The following GPC6 variants were observed in gnomAD, a reference collection of about 807,000 sequenced individuals.
GPC6 encodes glypican-6.
In GPC6, 14 loss-of-function variants were observed where a neutral mutation model predicts 55.2. The observed-to-expected ratio is 0.25, with a 90% CI of 0.17 to 0.40. The LOEUF is 0.40. GPC6 is among the 10% of genes least tolerant of loss of function. GPC6 has a pLI of 1.00. For missense variants in GPC6, 641 were observed against 708.5 expected, an observed-to-expected ratio of 0.90 and a Z score of 1.08; for synonymous variants, 278 against 259.6, an observed-to-expected ratio of 1.07 and a Z score of -0.68.
Position 93,529,665 on chromosome 13 carries a change from C to T in GPC6, c.161-15598C>T, listed in dbSNP as rs186935804. On this transcript the variant is annotated intron_variant, in intron 1 of 8. Transcript: ENST00000377047. The stretch of plus-strand genomic sequence containing the variant: ...CCCAGTAGCTGGGATTACAGGTGCC[C>T]GCCACCACGCCCATCTAATTTTTGT... Among the ~76,000 whole-genome samples, 1,069 of 151,676 alleles carry T rather than the reference C, an allele frequency of 7.0e-3. 2 individuals are homozygous for T. Among genetic ancestry groups the T allele is most frequent in the Admixed American group, 0.013 (200 of 15,218 alleles).
chr13:94,174,981 C>T (rs1399529668), intron 4 of GPC6, among the ~76,000 whole-genome samples: 1 of 152,138 alleles, frequency 6.6e-6, no homozygotes. Flanking sequence ...TCCAGGATCC[C>T]TGAAGTTTGC....
chr13:94,360,789 C>T (rs1264996109), intron 6 of GPC6, among the ~76,000 whole-genome samples: 1 of 152,192 alleles, frequency 6.6e-6, no homozygotes, highest in Admixed American at 6.5e-5. Context: ...AATGCATTCA[C>T]ACTCTCCAGT....
intron 4 of GPC6, among the ~76,000 whole-genome samples, chr13:94,257,250 G>T (rs1891534566): frequency 6.6e-6 from 1 of 152,172 alleles, no homozygotes; most frequent in Non-Finnish European, 1.5e-5. Flanking sequence ...TCACACAAAT[G>T]CAAAAGGCAC....
At chr13:94,225,220 A>T (rs1890509113) in intron 4 of GPC6, among the ~76,000 whole-genome samples, 1 of 152,026 alleles carries the variant, frequency 6.6e-6, no homozygotes. Flanking sequence ...ATCCTTGTGG[A>T]TGGTCTGCTA....
chr13:94,302,694 A>C (rs1026520493), intron 5 of GPC6, among the ~76,000 whole-genome samples: 2 of 152,142 alleles, frequency 1.3e-5, no homozygotes, highest in South Asian at 4.1e-4. Flanking sequence ...ATAGCTCTTG[A>C]TCCCTAGGCT....
intron 1 of GPC6, among the ~76,000 whole-genome samples, chr13:93,469,727 A>G (rs369895251): frequency 6.6e-6 from 1 of 152,148 alleles, no homozygotes; most frequent in Non-Finnish European, 1.5e-5. Context: ...TATGGATTCT[A>G]TGTTTAGATC....
chr13:93,354,524 T>A (rs577279514), intron 1 of GPC6, among the ~76,000 whole-genome samples: 49 of 150,052 alleles, frequency 3.3e-4, no homozygotes, highest in South Asian at 1.9e-3. Flanking sequence ...CTATTATTTT[T>A]TTTTTTTTTT....
At chr13:93,997,889 T>C (rs1051208726) in intron 3 of GPC6, among the ~76,000 whole-genome samples, 1 of 152,158 alleles carries the variant, frequency 6.6e-6, no homozygotes, top group African/African-American at 2.4e-5. Context: ...AGAATCAGCG[T>C]TGAGACATGG....
chr13:93,934,020 C>T (rs1878307126), intron 3 of GPC6, among the ~76,000 whole-genome samples: 2 of 152,204 alleles, frequency 1.3e-5, no homozygotes, highest in Non-Finnish European at 2.9e-5. Context: ...GCTCAATGCA[C>T]TTCTGGCTAT....
intron 4 of GPC6, among the ~76,000 whole-genome samples, chr13:94,259,969 T>C (rs1891611580): frequency 6.6e-6 from 1 of 152,206 alleles, no homozygotes; most frequent in Non-Finnish European, 1.5e-5. Flanking sequence ...TGTTCTACTT[T>C]TTGGCTATTG....
intron 2 of GPC6, among the ~76,000 whole-genome samples, chr13:93,726,389 A>G (rs1034925219): frequency 3.3e-5 from 5 of 152,130 alleles, no homozygotes; most frequent in African/African-American, 4.8e-5. Context: ...TCCCTGGCCA[A>G]TAACCTTCCT....
At chr13:93,433,612 T>G (rs1458975138) in intron 1 of GPC6, among the ~76,000 whole-genome samples, 1 of 152,168 alleles carries the variant, frequency 6.6e-6, no homozygotes, top group African/African-American at 2.4e-5. Context: ...GAGAAAAATT[T>G]ATTTAGCTTT....
At chr13:93,896,750 G>A (rs996684443) in intron 3 of GPC6, among the ~76,000 whole-genome samples, 2 of 151,836 alleles carry the variant, frequency 1.3e-5, no homozygotes, top group African/African-American at 4.8e-5. Context: ...TCTTACTCTC[G>A]CATCAGGTTC....
At chr13:94,067,502 C>CTA (rs1491352540) in intron 4 of GPC6, among the ~76,000 whole-genome samples, 5 of 147,858 alleles carry the variant, frequency 3.4e-5, no homozygotes, top group Non-Finnish European at 7.6e-5. Flanking sequence ...CTCTCTCTCT[C>CTA]TGTGTCTATG....
intron 1 of GPC6, among the ~76,000 whole-genome samples, chr13:93,542,065 T>A: frequency 6.6e-6 from 1 of 152,232 alleles, no homozygotes; most frequent in East Asian, 1.9e-4. Context: ...TTGTTGCCAT[T>A]GCTTTTGGTG....
At chr13:93,447,022 C>A (rs550666398) in intron 1 of GPC6, among the ~76,000 whole-genome samples, 4 of 152,036 alleles carry the variant, frequency 2.6e-5, no homozygotes, top group Non-Finnish European at 5.9e-5. Context: ...GGCCAGTAAC[C>A]TGCCTTACAT....
intron 4 of GPC6, among the ~76,000 whole-genome samples, chr13:94,091,350 AAAG>A (rs1885473517): frequency 6.6e-6 from 1 of 151,978 alleles, no homozygotes; most frequent in Non-Finnish European, 1.5e-5. Flanking sequence ...TGAAACAAAC[AAAG>A]AAAACTGAGA....
At chr13:94,256,553 A>T (rs933939778) in intron 4 of GPC6, among the ~76,000 whole-genome samples, 2 of 152,150 alleles carry the variant, frequency 1.3e-5, no homozygotes, top group South Asian at 4.1e-4. Context: ...CTGTCCTCCC[A>T]TCTCCATCAT....
intron 4 of GPC6, among the ~76,000 whole-genome samples, chr13:94,029,545 G>T (rs1400837522): frequency 6.6e-6 from 1 of 152,166 alleles, no homozygotes; most frequent in African/African-American, 2.4e-5. Context: ...AATCTAAAAA[G>T]ATCTGCTTAT....
Sources: gnomAD v4.1 joint callset for allele counts (sites outside exome capture counted in the v4.1 genomes callset) on GRCh38, gnomAD v4.1.1 for gene constraint, MANE v1.5 for transcripts, NCBI Gene and HGNC (gene_info 2026-07-23, HGNC 2026-07-21) for gene names.